The following LOC128092252 variants were observed in gnomAD, a reference collection of about 807,000 sequenced individuals.
At chr15:50,661,423 C>G in the LOC128092252 span, among the ~76,000 whole-genome samples, 3 of 152,154 alleles carry the variant, frequency 2.0e-5, no homozygotes, top group Non-Finnish European at 2.9e-5. Flanking sequence ...TAATGACAGT[C>G]TTAATGTATT....
At chr15:50,660,580 G>A in the LOC128092252 span, among the ~76,000 whole-genome samples, 8 of 152,052 alleles carry the variant, frequency 5.3e-5, no homozygotes, top group Admixed American at 1.3e-4. Context: ...GCTTGAACCC[G>A]GAAGGCAGAC....
chr15:50,660,945 G>T, the LOC128092252 span, among the ~76,000 whole-genome samples: 1 of 151,110 alleles, frequency 6.6e-6, no homozygotes, highest in Admixed American at 6.6e-5. Context: ...ATAAATTGTG[G>T]TATACACAAT....
At chr15:50,669,368 G>C in the LOC128092252 span, among the ~76,000 whole-genome samples, 1 of 152,114 alleles carries the variant, frequency 6.6e-6, no homozygotes, top group Non-Finnish European at 1.5e-5. Flanking sequence ...TCAGGAGATG[G>C]AGGCTGCAGT....
At chr15:50,675,704 A>G in the LOC128092252 span, among the ~76,000 whole-genome samples, 2 of 152,236 alleles carry the variant, frequency 1.3e-5, no homozygotes, top group Non-Finnish European at 2.9e-5. Flanking sequence ...TAATTTTGCT[A>G]GGTTGCACTA....
the LOC128092252 span, among the ~76,000 whole-genome samples, chr15:50,677,001 T>G: frequency 6.6e-6 from 1 of 152,284 alleles, no homozygotes; most frequent in East Asian, 1.9e-4. Flanking sequence ...GTTTGGAGTT[T>G]GAGTACAATG....
the LOC128092252 span, among the ~76,000 whole-genome samples, chr15:50,664,907 G>A: frequency 3.9e-5 from 6 of 152,184 alleles, no homozygotes; most frequent in Admixed American, 2.6e-4. Context: ...CAAGGCTGCA[G>A]TAAGCCAAGA....
the LOC128092252 span, among the ~76,000 whole-genome samples, chr15:50,656,910 C>G: frequency 6.6e-6 from 1 of 152,180 alleles, no homozygotes. Flanking sequence ...ATGCCTACTT[C>G]TCTTCATTGT....
the LOC128092252 span, among the ~76,000 whole-genome samples, chr15:50,663,257 T>G: frequency 6.6e-6 from 1 of 152,026 alleles, no homozygotes. Context: ...GCCTCCCGGG[T>G]AGCTGGCAGT....
the LOC128092252 span, chr15:50,657,960 C>T: frequency 5.4e-6 from 3 of 551,864 alleles, no homozygotes; most frequent in Admixed American, 3.1e-5. Flanking sequence ...TTCACGTATA[C>T]CTTGATTTAT....
chr15:50,674,846 A>G, the LOC128092252 span, among the ~76,000 whole-genome samples: 2 of 152,228 alleles, frequency 1.3e-5, no homozygotes, highest in Admixed American at 1.3e-4. Context: ...CAACACTTCG[A>G]ATATATCATC....
chr15:50,675,471 T>C, the LOC128092252 span, among the ~76,000 whole-genome samples: 4 of 152,296 alleles, frequency 2.6e-5, no homozygotes, highest in Admixed American at 2.0e-4. Flanking sequence ...TTCCCACACG[T>C]AGCATTCTCA....
chr15:50,649,159 A>C, the LOC128092252 span, among the ~76,000 whole-genome samples: 1 of 152,194 alleles, frequency 6.6e-6, no homozygotes, highest in Non-Finnish European at 1.5e-5. Flanking sequence ...AATAGTATTT[A>C]CACCGGCTGT....
the LOC128092252 span, among the ~76,000 whole-genome samples, chr15:50,678,921 T>A: frequency 6.6e-6 from 1 of 152,172 alleles, no homozygotes; most frequent in Non-Finnish European, 1.5e-5. Flanking sequence ...TCACCCAGGC[T>A]GGAGTGCAAT....
the LOC128092252 span, among the ~76,000 whole-genome samples, chr15:50,658,241 G>C: frequency 6.6e-6 from 1 of 151,962 alleles, no homozygotes; most frequent in Admixed American, 6.6e-5. Flanking sequence ...TCCTGACCTT[G>C]TGATCCACCT....
chr15:50,663,120 C>A, the LOC128092252 span: 1 of 1,136,296 alleles, frequency 8.8e-7, no homozygotes, highest in African/African-American at 1.6e-5. Flanking sequence ...TCATGATAAA[C>A]ACATAAACAG....
At chr15:50,684,420 C>G in the LOC128092252 span, among the ~76,000 whole-genome samples, 1 of 152,040 alleles carries the variant, frequency 6.6e-6, no homozygotes, top group South Asian at 2.1e-4. Context: ...ACAGCCAGAT[C>G]ACTGGACATC....
the LOC128092252 span, among the ~76,000 whole-genome samples, chr15:50,658,196 G>A: frequency 2.0e-5 from 3 of 151,772 alleles, no homozygotes; most frequent in Non-Finnish European, 4.4e-5. Flanking sequence ...TACTAGAGAT[G>A]GGATTTCACT....
the LOC128092252 span, among the ~76,000 whole-genome samples, chr15:50,678,721 A>G: frequency 2.0e-5 from 3 of 152,170 alleles, no homozygotes; most frequent in African/African-American, 7.2e-5. Context: ...CAATTGGTAG[A>G]AAAGTTCTAT....
At chr15:50,676,751 A>G in the LOC128092252 span, among the ~76,000 whole-genome samples, 1 of 152,104 alleles carries the variant, frequency 6.6e-6, no homozygotes, top group Non-Finnish European at 1.5e-5. Flanking sequence ...TATCAATAGA[A>G]ATCCCACAGT....
Sources: gnomAD v4.1 joint callset for allele counts (sites outside exome capture counted in the v4.1 genomes callset) on GRCh38, gnomAD v4.1.1 for gene constraint, MANE v1.5 for transcripts.